The following KCNJ16 variants were observed in gnomAD, a reference collection of about 807,000 sequenced individuals.
The protein encoded by KCNJ16 is inward rectifier potassium channel 16.
KCNJ16 carries 15 observed loss-of-function variants against 18.5 expected under a neutral mutation model. That is an observed-to-expected ratio of 0.81 (90% CI 0.54 to 1.25). The LOEUF (loss-of-function observed/expected upper bound fraction) is 1.25, where lower values mean the gene tolerates loss of function less well. KCNJ16 is among the 50% of genes most tolerant of loss of function. The pLI, the probability that KCNJ16 is intolerant of heterozygous loss-of-function variation, is 0.00. For missense variants in KCNJ16, 523 were observed against 525.7 expected, an observed-to-expected ratio of 0.99 and a Z score of 0.05; for synonymous variants, 174 against 186.5, an observed-to-expected ratio of 0.93 and a Z score of 0.55.
intron 2 of KCNJ16, among the ~76,000 whole-genome samples, chr17:70,117,313 G>A (rs765225940): frequency 4.6e-5 from 7 of 151,934 alleles, no homozygotes; most frequent in Non-Finnish European, 8.8e-5. Context: ...AGGGAGAGCG[G>A]GCAGGGCTTC....
At chr17:70,131,223 GA>G (rs1022632931) in intron 3 of KCNJ16, 1,834 of 560,936 alleles carry the variant, frequency 3.3e-3, no homozygotes, top group East Asian at 5.7e-3. Context: ...AGAAAGAAAA[GA>G]AAAAAAAAAG....
chr17:70,095,091 A>C (rs1276101666), intron 1 of KCNJ16, among the ~76,000 whole-genome samples: 2 of 152,250 alleles, frequency 1.3e-5, no homozygotes, highest in Non-Finnish European at 2.9e-5. Context: ...CATATGAATA[A>C]TTTACTTTTG....
chr17:70,075,967 CTTT>C (rs61550133), intron 1 of KCNJ16, among the ~76,000 whole-genome samples: 100 of 149,730 alleles, frequency 6.7e-4, no homozygotes, highest in Non-Finnish European at 1.3e-3. Flanking sequence ...CCCTCTAAAG[CTTT>C]TTTTTTTTTC....
At chr17:70,100,327 G>A (rs756372912) in intron 1 of KCNJ16, among the ~76,000 whole-genome samples, 3 of 152,094 alleles carry the variant, frequency 2.0e-5, no homozygotes, top group African/African-American at 7.2e-5. Context: ...ATTATTATAC[G>A]GACTATCAGA....
intron 2 of KCNJ16, among the ~76,000 whole-genome samples, chr17:70,119,862 C>T (rs1246536099): frequency 6.6e-6 from 1 of 152,220 alleles, no homozygotes; most frequent in Non-Finnish European, 1.5e-5. Flanking sequence ...ATATCTCTAG[C>T]AAGTGGTTGC....
chr17:70,083,929 A>G (rs2071674619), intron 1 of KCNJ16, among the ~76,000 whole-genome samples: 1 of 152,112 alleles, frequency 6.6e-6, no homozygotes. Context: ...AATGAAGCCC[A>G]TGTTGGTGTC....
At chr17:70,118,430 A>C (rs535806422) in intron 2 of KCNJ16, among the ~76,000 whole-genome samples, 1 of 152,108 alleles carries the variant, frequency 6.6e-6, no homozygotes, top group Non-Finnish European at 1.5e-5. Context: ...AAAATAAATA[A>C]ATAAACAAAT....
intron 2 of KCNJ16, chr17:70,128,162 A>G (rs2073922560): frequency 6.6e-6 from 1 of 152,212 alleles, no homozygotes; most frequent in South Asian, 2.1e-4. Context: ...TGTATACTGG[A>G]AACGGGGACA....
chr17:70,119,674 C>T (rs2073553392), intron 2 of KCNJ16, among the ~76,000 whole-genome samples: 1 of 152,198 alleles, frequency 6.6e-6, no homozygotes, highest in African/African-American at 2.4e-5. Context: ...ATGCAGGGAG[C>T]AGTGTCCCAA....
At chr17:70,092,783 A>C (rs530258175) in intron 1 of KCNJ16, among the ~76,000 whole-genome samples, 2 of 152,296 alleles carry the variant, frequency 1.3e-5, no homozygotes, top group African/African-American at 2.4e-5. Context: ...CAAAGGTCCA[A>C]AAACCTGAAG....
rs2074154999 is a variant in KCNJ16, at chr17:70,134,157, T to C, written c.*813T>C. 6.0e-6 allele frequency: 1 copy of C among 167,040 alleles called. No homozygotes were observed. Among genetic ancestry groups the C allele is most frequent in the Admixed American group, 6.5e-5 (1 of 15,272 alleles). 10.3% of individuals were successfully genotyped at this position (167,040 alleles called of 1,614,324 possible). A position where few individuals can be genotyped will look rare whatever the true frequency, so the allele number is the denominator to read the frequency against. ...TCACGTCCCACCTTCTTCGAGGACA[T>C]GACCAAGGGACAGGATCATACAGAT... On this transcript the variant is annotated 3_prime_UTR_variant, in exon 4 of 4. Transcript: ENST00000392671.
At chr17:70,130,756 A>G in intron 2 of KCNJ16, 123 bp from the exon 3 acceptor site, 1 of 580,240 alleles carries the variant, frequency 1.7e-6, no homozygotes, top group South Asian at 2.3e-5. Context: ...GATTCCCTAA[A>G]GTCCCCCGTT....
At chr17:70,081,804 CTCTGTGTG>C (rs1366569377) in intron 1 of KCNJ16, among the ~76,000 whole-genome samples, 3 of 102,754 alleles carry the variant, frequency 2.9e-5, no homozygotes, top group African/African-American at 1.6e-4. Flanking sequence ...AGTCACCATG[CTCTGTGTG>C]TGTGTGTGTG....
chr17:70,122,885 G>T (rs539576914), intron 2 of KCNJ16, among the ~76,000 whole-genome samples: 1 of 152,296 alleles, frequency 6.6e-6, no homozygotes, highest in South Asian at 2.1e-4. Flanking sequence ...TGCCGCACAT[G>T]AAGGGTGAGA....
intron 1 of KCNJ16, among the ~76,000 whole-genome samples, chr17:70,084,286 T>C (rs958227826): frequency 1.3e-5 from 2 of 152,178 alleles, no homozygotes; most frequent in African/African-American, 2.4e-5. Context: ...AATCCAAATA[T>C]ACCACATCTG....
chr17:70,101,376 A>G (rs2143839699), intron 2 of KCNJ16: 1 of 152,318 alleles, frequency 6.6e-6, no homozygotes, highest in East Asian at 1.9e-4. Flanking sequence ...CTTTCTCAAT[A>G]GTACTGCAAA....
intron 1 of KCNJ16, among the ~76,000 whole-genome samples, chr17:70,094,430 A>G (rs961426797): frequency 6.6e-6 from 1 of 152,226 alleles, no homozygotes; most frequent in Admixed American, 6.5e-5. Flanking sequence ...TACATGAAGA[A>G]AACAGTAGTA....
At chr17:70,077,868 G>GA (rs1262423239) in intron 1 of KCNJ16, among the ~76,000 whole-genome samples, 2,934 of 139,756 alleles carry the variant, frequency 0.021, 59 homozygotes, top group African/African-American at 0.056. Context: ...CCCAGATTCA[G>GA]AAAAAAAAAA....
intron 2 of KCNJ16, among the ~76,000 whole-genome samples, chr17:70,126,641 C>T (rs1185251643): frequency 9.2e-5 from 14 of 152,134 alleles, no homozygotes; most frequent in Admixed American, 4.6e-4. Context: ...AACTGGGGTC[C>T]GCCTCCTGAT....
Sources: allele counts gnomAD v4.1 joint callset (sites outside exome capture counted in the v4.1 genomes callset), GRCh38; gene constraint gnomAD v4.1.1; transcripts MANE v1.5; gene names NCBI Gene and HGNC (gene_info 2026-07-23, HGNC 2026-07-21).